The following PRKAR1A variants were observed in gnomAD, a reference collection of about 807,000 sequenced individuals.
PRKAR1A encodes protein kinase cAMP-dependent type I regulatory subunit alpha, also known as cAMP-dependent protein kinase type I-alpha regulatory subunit.
PRKAR1A carries 3 observed loss-of-function variants against 52.0 expected under a neutral mutation model. The observed-to-expected ratio is 0.06, with a 90% CI of 0.03 to 0.15. PRKAR1A has a LOEUF of 0.15. Among genes scored for constraint, PRKAR1A ranks in the 10% least tolerant of loss-of-function variants. PRKAR1A has a pLI of 1.00. For missense variants in PRKAR1A, 240 were observed against 477.4 expected, an observed-to-expected ratio of 0.50 and a Z score of 4.63; for synonymous variants, 188 against 168.4, an observed-to-expected ratio of 1.12 and a Z score of -0.90.
chr17:68,427,273 G>C, the PRKAR1A span: 1 of 1,585,812 alleles, frequency 6.3e-7, no homozygotes, highest in Middle Eastern at 1.7e-4. Context: ...ACAATCAAGA[G>C]GAGGTGAAAG....
At chr17:68,450,555 A>T in the PRKAR1A span, among the ~76,000 whole-genome samples, 1 of 152,234 alleles carries the variant, frequency 6.6e-6, no homozygotes, top group Admixed American at 6.5e-5. Flanking sequence ...CGTTACAACC[A>T]GCACCTGGAG....
At chr17:68,429,278 G>T in the PRKAR1A span, among the ~76,000 whole-genome samples, 1 of 152,190 alleles carries the variant, frequency 6.6e-6, no homozygotes, top group Admixed American at 6.5e-5. Context: ...AGACAGAAAG[G>T]GGGTAAATGG....
chr17:68,414,822 G>A, the PRKAR1A span, among the ~76,000 whole-genome samples: 1 of 152,070 alleles, frequency 6.6e-6, no homozygotes, highest in Non-Finnish European at 1.5e-5. Context: ...TAAATGCAAA[G>A]GTGTTCATAG....
chr17:68,457,784 G>T, the PRKAR1A span, among the ~76,000 whole-genome samples: 1 of 152,132 alleles, frequency 6.6e-6, no homozygotes, highest in Non-Finnish European at 1.5e-5. Flanking sequence ...CTGGCGACCC[G>T]CCCCTGGCTT....
the PRKAR1A span, among the ~76,000 whole-genome samples, chr17:68,496,781 T>A: frequency 6.6e-6 from 1 of 150,972 alleles, no homozygotes; most frequent in African/African-American, 2.4e-5. Context: ...TTTGGATCTA[T>A]CACCTGTTTT....
At chr17:68,414,490 CT>C in the PRKAR1A span, among the ~76,000 whole-genome samples, 2 of 152,026 alleles carry the variant, frequency 1.3e-5, no homozygotes, top group African/African-American at 4.8e-5. Flanking sequence ...CTGTAGTTTT[CT>C]TTTTTGGTTA....
At chr17:68,517,406 T>A (rs2085467022) in intron 2 of PRKAR1A, among the ~76,000 whole-genome samples, 1 of 152,178 alleles carries the variant, frequency 6.6e-6, no homozygotes, top group Non-Finnish European at 1.5e-5. Flanking sequence ...GAGGTTTAAT[T>A]GACTCACAAT....
At chr17:68,493,940 G>A in the PRKAR1A span, among the ~76,000 whole-genome samples, 1 of 151,890 alleles carries the variant, frequency 6.6e-6, no homozygotes, top group African/African-American at 2.4e-5. Context: ...GCCCTTGAGT[G>A]GAAAAGCATG....
chr17:68,432,080 A>G, the PRKAR1A span, among the ~76,000 whole-genome samples: 3 of 152,362 alleles, frequency 2.0e-5, no homozygotes, highest in Admixed American at 6.5e-5. Context: ...TATAATCTCC[A>G]GGGAAAGAGT....
chr17:68,536,683 T>C (rs757792071), downstream of PRKAR1A: 1 of 453,516 alleles, frequency 2.2e-6, no homozygotes, highest in South Asian at 1.6e-5. Context: ...ACTCCAGGCT[T>C]GTGTCCCTGC....
chr17:68,540,525 G>A (rs1429200968), intron 11 of PRKAR1A: 1 of 490,116 alleles, frequency 2.0e-6, no homozygotes, highest in Admixed American at 2.3e-5. Flanking sequence ...CTACATATTT[G>A]TGTACTTTCT....
At chr17:68,433,024 AAGCGCTC>A in the PRKAR1A span, among the ~76,000 whole-genome samples, 1 of 152,184 alleles carries the variant, frequency 6.6e-6, no homozygotes, top group Non-Finnish European at 1.5e-5. Context: ...GGTGCTTCCC[AAGCGCTC>A]AGTGGTGCTG....
chr17:68,487,754 C>A, the PRKAR1A span, among the ~76,000 whole-genome samples: 3 of 150,146 alleles, frequency 2.0e-5, no homozygotes, highest in African/African-American at 7.4e-5. Flanking sequence ...GAGCTGAGAT[C>A]ACGCCACTGC....
the PRKAR1A span, among the ~76,000 whole-genome samples, chr17:68,471,079 A>T: frequency 6.6e-6 from 1 of 152,212 alleles, no homozygotes; most frequent in East Asian, 1.9e-4. Context: ...TGATGTGTAA[A>T]TTTAAAAATT....
downstream of PRKAR1A, among the ~76,000 whole-genome samples, chr17:68,534,091 C>T (rs767468996): frequency 1.1e-4 from 16 of 152,154 alleles, no homozygotes; most frequent in Non-Finnish European, 2.4e-4. Context: ...AAATCTCTTC[C>T]TTCCTATGCT....
the PRKAR1A span, chr17:68,420,652 G>A: frequency 2.6e-5 from 18 of 685,698 alleles, no homozygotes; most frequent in African/African-American, 1.8e-4. Flanking sequence ...GCTGAGCTGC[G>A]CTGGCTCTGG....
At chr17:68,470,911 C>A in the PRKAR1A span, among the ~76,000 whole-genome samples, 1 of 152,188 alleles carries the variant, frequency 6.6e-6, no homozygotes, top group African/African-American at 2.4e-5. Flanking sequence ...ACCCCCAAAT[C>A]TCTTTTCTTC....
the PRKAR1A span, chr17:68,428,844 A>T: frequency 5.6e-6 from 9 of 1,613,698 alleles, no homozygotes; most frequent in Non-Finnish European, 6.8e-6. Context: ...GGTTTTGATT[A>T]AGACACACTC....
intron 7 of PRKAR1A, among the ~76,000 whole-genome samples, chr17:68,526,424 G>A (rs1028659506): frequency 6.6e-6 from 1 of 152,140 alleles, no homozygotes; most frequent in African/African-American, 2.4e-5. Context: ...TTTTGAGAAC[G>A]TTGTGATAAA....
Sources: gnomAD v4.1 joint callset for allele counts (sites outside exome capture counted in the v4.1 genomes callset) on GRCh38, gnomAD v4.1.1 for gene constraint, MANE v1.5 for transcripts, NCBI Gene and HGNC (gene_info 2026-07-23, HGNC 2026-07-21) for gene names.